Variants in CA4 observed in about 807,000 individuals in gnomAD.
CA4 encodes carbonic anhydrase 4.
In CA4, 24 loss-of-function variants were observed where a neutral mutation model predicts 34.5. That is an observed-to-expected ratio of 0.70 (90% CI 0.50 to 0.98). The LOEUF (loss-of-function observed/expected upper bound fraction) is 0.98. Ranked by LOEUF, CA4 falls within the 50% of genes least tolerant of loss-of-function variation. The probability of loss-of-function intolerance (pLI) is 0.00; values close to 1 mark genes in which losing one functional copy is unlikely to be tolerated. For synonymous variants in CA4, 178 were observed against 170.6 expected (o/e 1.04, Z -0.34); for missense variants, 394 against 396.7 (o/e 0.99, Z 0.06).
chr17:60,159,725 T>C (rs2083764359), downstream of CA4, among the ~76,000 whole-genome samples: 1 of 152,116 alleles, frequency 6.6e-6, no homozygotes, highest in Admixed American at 6.6e-5. Flanking sequence ...CCCACTCCCT[T>C]CTACCAGGAC....
In CA4 at chr17:60,158,325, T is replaced by C; in HGVS notation, c.623T>C (p.Leu208Pro). The C allele has an allele frequency of 6.2e-7, 1 of 1,614,004 alleles. No individual in the cohort carries two copies. The highest frequency in any genetic ancestry group is 8.5e-7 in the Non-Finnish European group (1 of 1,179,992). ...TMAESSLLDL[L>P]PKEEKLRHYF... ...GCAGAGAGCAGCCTGTTGGACCTGC[T>C]CCCCAAGGAGGAGAAACTGAGGCAC... The change falls in exon 7 of 8, where the codon CTC becomes CCC. Residue 208 changes from leucine (L) to proline (P), a missense_variant. Coordinates refer to ENST00000300900, the MANE Select transcript of CA4 (RefSeq NM_000717.5).
At chr17:60,158,817 T>A (rs1597996801) in intron 7 of CA4, 1 of 412,072 alleles carries the variant, frequency 2.4e-6, no homozygotes, top group East Asian at 5.2e-5. Flanking sequence ...GTCAACATCA[T>A]CACTGGGGGA....
At chr17:60,155,508 C>G (rs2083663519) in intron 2 of CA4, 141 bp downstream of exon 2, 5 of 638,950 alleles carry the variant, frequency 7.8e-6, no homozygotes, top group Non-Finnish European at 1.4e-5. Flanking sequence ...TACACACACA[C>G]ACACACACAC....
the CA4 span, among the ~76,000 whole-genome samples, chr17:60,176,238 A>T: frequency 2.6e-5 from 4 of 152,114 alleles, no homozygotes; most frequent in African/African-American, 9.7e-5. Flanking sequence ...AACAAAAAAA[A>T]CCCTCTTTGT....
chr17:60,151,490 T>C (rs2083591496), intron 1 of CA4: 2 of 152,238 alleles, frequency 1.3e-5, no homozygotes, highest in African/African-American at 4.8e-5. Context: ...GAAAGAGAAA[T>C]GCTTTGCAGT....
intron 5 of CA4, among the ~76,000 whole-genome samples, chr17:60,168,056 C>CAGAGATGTAGAGATGT (rs1052347669): frequency 1.3e-4 from 20 of 151,746 alleles, no homozygotes; most frequent in Non-Finnish European, 2.4e-4. Context: ...AGTGAAGCTT[C>CAGAGATGTAGAGATGT]AGAGATGTAG....
chr17:60,154,020 G>A (rs1317577695), intron 1 of CA4, among the ~76,000 whole-genome samples: 1 of 152,104 alleles, frequency 6.6e-6, no homozygotes, highest in Non-Finnish European at 1.5e-5. Context: ...CCACTCCGGG[G>A]ACTCTACCCT....
At position 60,157,741 on chromosome 17, in the gene CA4, G is replaced by T; in HGVS notation, c.466G>T (p.Ala156Ser). The T allele has an allele frequency of 6.2e-7, 1 of 1,614,174 alleles. No individual in the cohort carries two copies. Among genetic ancestry groups the T allele is most frequent in the Non-Finnish European group, 8.5e-7 (1 of 1,179,980 alleles). Residue 156 changes from alanine to serine, a missense_variant, in exon 5 of 8, where the codon GCC becomes TCC. By Grantham distance (99) the Ala-to-Ser change is moderately conservative (BLOSUM62 1). Transcript: ENST00000300900. ...EKGTSRNVKE[A>S]QDPEDEIAVL... ...GGGGACATCGAGGAATGTGAAAGAG[G>T]CCCAGGACCCTGAAGACGAAATTGC...
chr17:60,162,041 C>T (rs1326533552), downstream of CA4, among the ~76,000 whole-genome samples: 2 of 152,178 alleles, frequency 1.3e-5, no homozygotes, highest in Admixed American at 6.5e-5. Flanking sequence ...CGACCCTCCC[C>T]ATCCCCCTGG....
chr17:60,158,191 G>T (rs2083728605), intron 6 of CA4, 64 bp downstream of exon 6: 1 of 1,605,624 alleles, frequency 6.2e-7, no homozygotes, highest in African/African-American at 1.3e-5. Flanking sequence ...AAAGGAAGGG[G>T]TGGGTGTGCG....
intron 5 of CA4, among the ~76,000 whole-genome samples, chr17:60,169,637 C>G (rs1002266942): frequency 1.3e-5 from 2 of 152,108 alleles, no homozygotes; most frequent in Non-Finnish European, 2.9e-5. Context: ...TACGGGCATG[C>G]GCCACCATGC....
rs761755192 is a variant in CA4, at chr17:60,159,442, C to G, written c.*18C>G. ...TGCGATGATGGCTCACTTCTGCACG[C>G]AGCCTCTCTGTTGCCTCAGCTCTCC... On this transcript the variant is annotated 3_prime_UTR_variant, in exon 8 of 8. Transcript: ENST00000300900. 8.1e-6 allele frequency: 13 copies of G among 1,608,546 alleles called. No homozygotes were observed. In the South Asian group the frequency reaches 1.2e-4, roughly 15 times the overall value.
downstream of CA4, among the ~76,000 whole-genome samples, chr17:60,171,112 A>G (rs945722389): frequency 6.6e-6 from 1 of 152,258 alleles, no homozygotes; most frequent in African/African-American, 2.4e-5. Flanking sequence ...GGGGTTTGGC[A>G]GATAGAAGTC....
intron 5 of CA4, among the ~76,000 whole-genome samples, chr17:60,165,146 A>C (rs1220030227): frequency 1.3e-5 from 2 of 152,198 alleles, no homozygotes; most frequent in Non-Finnish European, 2.9e-5. Flanking sequence ...AGTAGGGAAC[A>C]CTGGGCGGAG....
At chr17:60,157,873 C>A in intron 5 of CA4, 85 bp downstream of exon 5, 1 of 1,509,926 alleles carries the variant, frequency 6.6e-7, no homozygotes, top group South Asian at 1.2e-5. Context: ...TCCAGCGAGG[C>A]AGGAGGGGGC....
chr17:60,178,492 C>T, the CA4 span, among the ~76,000 whole-genome samples: 1 of 152,120 alleles, frequency 6.6e-6, no homozygotes, highest in Non-Finnish European at 1.5e-5. Flanking sequence ...ATGTAAGATG[C>T]CTCCACTGGG....
chr17:60,172,768 C>G (rs1050621068), downstream of CA4, among the ~76,000 whole-genome samples: 1 of 151,704 alleles, frequency 6.6e-6, no homozygotes, highest in South Asian at 2.1e-4. Flanking sequence ...CACTTGAATC[C>G]GGGAGGTGGA....
At chr17:60,155,498 TACACACACACAC>T in intron 2 of CA4, 131 bp downstream of exon 2, 1 of 567,944 alleles carries the variant, frequency 1.8e-6, no homozygotes. Context: ...GTTCCCAGCA[TACACACACACAC>T]ACACACACAC....
rs753520299 is a variant in CA4 at position 60,158,312 on chromosome 17, C to T, written c.610C>T (p.Leu204=). ...EMSTTMAESS[L]LDLLPKEEKL... is the part of the protein sequence containing the mutation. The stretch of plus-strand genomic sequence containing the variant: ...GAGCACTACGATGGCAGAGAGCAGC[C>T]TGTTGGACCTGCTCCCCAAGGAGGA... Residue 204 remains leucine, a synonymous_variant, in exon 7 of 8, where the codon CTG becomes TTG. Transcript: ENST00000300900. 1.2e-6 allele frequency: 2 copies of T among 1,614,034 alleles called. No individual in the cohort carries two copies. Among genetic ancestry groups the T allele is most frequent in the East Asian group, 2.2e-5 (1 of 44,890 alleles).
Sources: gnomAD v4.1 joint callset for allele counts (sites outside exome capture counted in the v4.1 genomes callset) on GRCh38, gnomAD v4.1.1 for gene constraint, MANE v1.5 for transcripts, NCBI Gene and HGNC (gene_info 2026-07-23, HGNC 2026-07-21) for gene names.